The following ZNF474 variants were observed in gnomAD, a reference collection of about 807,000 sequenced individuals.
ZNF474 encodes the protein 4933409D10Rik.
For missense variants in ZNF474, 511 were observed against 433.8 expected, an observed-to-expected ratio of 1.18 and a Z score of -1.58; for synonymous variants, 192 against 162.2, an observed-to-expected ratio of 1.18 and a Z score of -1.39.
chr5:122,149,885 CTGTG>C (rs35051222), intron 1 of ZNF474, among the ~76,000 whole-genome samples: 5,103 of 141,502 alleles, frequency 0.036, 259 homozygotes, highest in African/African-American at 0.12. Flanking sequence ...AGAATTGACT[CTGTG>C]TGTGTGTGTG....
intron 1 of ZNF474, among the ~76,000 whole-genome samples, chr5:122,145,514 C>G (rs1471965900): frequency 6.6e-6 from 1 of 152,134 alleles, no homozygotes; most frequent in Non-Finnish European, 1.5e-5. Flanking sequence ...CTATGGCTTC[C>G]TCTGTGGCAG....
At chr5:122,137,807 G>C (rs1020747492) in intron 1 of ZNF474, among the ~76,000 whole-genome samples, 1 of 152,246 alleles carries the variant, frequency 6.6e-6, no homozygotes, top group Non-Finnish European at 1.5e-5. Flanking sequence ...CCATGGAGCA[G>C]TCAGTCAGCA....
At chr5:122,131,006 C>T (rs1414839415) in intron 1 of ZNF474, among the ~76,000 whole-genome samples, 1 of 152,120 alleles carries the variant, frequency 6.6e-6, no homozygotes, top group African/African-American at 2.4e-5. Flanking sequence ...TTCGTCTCAT[C>T]CTCCACTCAT....
intron 1 of ZNF474, among the ~76,000 whole-genome samples, chr5:122,143,371 A>G (rs1214953831): frequency 6.6e-6 from 1 of 152,202 alleles, no homozygotes; most frequent in Non-Finnish European, 1.5e-5. Flanking sequence ...AATCAAGAGT[A>G]TAAAGACAGT....
At chr5:122,141,164 TA>T (rs1416580749) in intron 1 of ZNF474, among the ~76,000 whole-genome samples, 4,345 of 37,524 alleles carry the variant, frequency 0.12, 502 homozygotes, top group African/African-American at 0.15. Context: ...TATTTTATTT[TA>T]TTTTATTTTT....
At chr5:122,135,548 T>C (rs1755680136) in intron 1 of ZNF474, among the ~76,000 whole-genome samples, 1 of 152,176 alleles carries the variant, frequency 6.6e-6, no homozygotes, top group African/African-American at 2.4e-5. Context: ...TTGGTAGGAA[T>C]GTAAATTAGT....
chr5:122,143,310 C>G (rs995987033), intron 1 of ZNF474, among the ~76,000 whole-genome samples: 2 of 152,174 alleles, frequency 1.3e-5, no homozygotes, highest in African/African-American at 2.4e-5. Flanking sequence ...CTGATACTAA[C>G]ACAGCGTGGC....
In ZNF474 at chr5:122,152,305, G is replaced by C. The variant is rs1184467824; in HGVS notation, c.315G>C (p.Gly105=). 1 of 1,614,092 alleles carries C rather than the reference G, an allele frequency of 6.2e-7. No individual in the cohort carries two copies. Among genetic ancestry groups the C allele is most frequent in the African/African-American group, 1.3e-5 (1 of 74,934 alleles). Residue 105 remains glycine (G), a synonymous_variant, in exon 2 of 2, where the codon GGG becomes GGC. Coordinates refer to ENST00000296600, the MANE Select transcript of ZNF474 (RefSeq NM_207317.3). ...RVCYICGREF[G]SQSIAIHEPQ... ...GCTATATCTGTGGCCGAGAATTTGG[G>C]TCCCAGTCAATTGCCATTCATGAAC... is the stretch of plus-strand genomic sequence containing the variant.
rs1359187214 is a variant in ZNF474, at chr5:122,152,006, A to G, written c.16A>G (p.Lys6Glu). The G allele has an allele frequency of 5.6e-6, 9 of 1,609,420 alleles. No individual in the cohort carries two copies. Among genetic ancestry groups the G allele is most frequent in the Non-Finnish European group, 7.6e-6 (9 of 1,178,962 alleles). MERGK[K>E]KRISNKLQQT... ...ATCTTTGTTAATGGAAAGAGGAAAGAAGAAAAGAATTTCCAATAAGTTACA... is the reference window on the plus strand; with the variant it reads ...ATCTTTGTTAATGGAAAGAGGAAAGGAGAAAAGAATTTCCAATAAGTTACA... Residue 6 changes from lysine to glutamate, a missense_variant, in exon 2 of 2, where the codon AAG becomes GAG. Coordinates refer to ENST00000296600, the MANE Select transcript of ZNF474 (RefSeq NM_207317.3).
At chr5:122,143,415 G>A (rs958963636) in intron 1 of ZNF474, among the ~76,000 whole-genome samples, 2 of 152,136 alleles carry the variant, frequency 1.3e-5, no homozygotes, top group Non-Finnish European at 2.9e-5. Flanking sequence ...CATGATGGGG[G>A]CTGGCAAACA....
intron 1 of ZNF474, among the ~76,000 whole-genome samples, chr5:122,133,358 C>T (rs958586411): frequency 1.3e-5 from 2 of 152,114 alleles, no homozygotes; most frequent in Non-Finnish European, 2.9e-5. Context: ...AAAATCTATA[C>T]CTGGTCAAAT....
chr5:122,151,301 A>G (rs1756162568), intron 1 of ZNF474, among the ~76,000 whole-genome samples: 1 of 152,234 alleles, frequency 6.6e-6, no homozygotes, highest in African/African-American at 2.4e-5. Context: ...TAGGCTTCAC[A>G]GAATTGTCAA....
intron 1 of ZNF474, among the ~76,000 whole-genome samples, chr5:122,148,840 G>T (rs930331748): frequency 1.3e-5 from 2 of 151,678 alleles, no homozygotes; most frequent in Non-Finnish European, 2.9e-5. Context: ...GGATTCAAGC[G>T]ATTCTCCTGT....
At position 122,152,001 on chromosome 5, in the gene ZNF474, G is replaced by A. The variant is rs766986538; in HGVS notation, c.11G>A (p.Gly4Glu). Residue 4 changes from glycine (G) to glutamate (E), a missense_variant, in exon 2 of 2, where the codon GGA (glycine) becomes GAA (glutamate). Physicochemically the swap from Gly to Glu is moderately conservative, Grantham distance 98. Coordinates refer to ENST00000296600, the MANE Select transcript of ZNF474 (RefSeq NM_207317.3). MER[G>E]KKKRISNKLQ... ...AAGACATCTTTGTTAATGGAAAGAG[G>A]AAAGAAGAAAAGAATTTCCAATAAG... The A allele has an allele frequency of 3.2e-5, 51 of 1,608,602 alleles. No homozygotes were observed. In the South Asian group the frequency reaches 4.7e-4, roughly 15 times the overall value.
chr5:122,131,658 A>G (rs1755581117), intron 1 of ZNF474, among the ~76,000 whole-genome samples: 1 of 152,036 alleles, frequency 6.6e-6, no homozygotes, highest in East Asian at 1.9e-4. Context: ...CTGGATTCGG[A>G]CCCAGGAGTG....
At chr5:122,142,872 CA>C (rs1455159449) in intron 1 of ZNF474, among the ~76,000 whole-genome samples, 1 of 152,158 alleles carries the variant, frequency 6.6e-6, no homozygotes, top group Non-Finnish European at 1.5e-5. Flanking sequence ...GAGTCACTGC[CA>C]GGAACGTCAT....
At chr5:122,139,441 G>T (rs1233452604) in intron 1 of ZNF474, among the ~76,000 whole-genome samples, 1 of 152,010 alleles carries the variant, frequency 6.6e-6, no homozygotes, top group African/African-American at 2.4e-5. Flanking sequence ...TTTTATAACT[G>T]GAATTTTGCA....
intron 1 of ZNF474, among the ~76,000 whole-genome samples, chr5:122,142,462 C>G (rs1375559835): frequency 2.0e-5 from 3 of 152,106 alleles, no homozygotes; most frequent in Non-Finnish European, 4.4e-5. Flanking sequence ...AAATGTTGAA[C>G]CACAAAAAAA....
chr5:122,152,918 C>T lies in ZNF474; in HGVS notation c.928C>T (p.Pro310Ser), dbSNP rs1359934996. The T allele has an allele frequency of 9.0e-5, 145 of 1,611,864 alleles. No individual in the cohort carries two copies. The highest frequency in any genetic ancestry group is 1.2e-4 in the Non-Finnish European group (143 of 1,179,994). The change falls in exon 2 of 2, where the codon CCT becomes TCT. Residue 310 changes from proline (P) to serine (S), a missense_variant. Physicochemically the swap from Pro to Ser is moderately conservative, Grantham distance 74. Transcript: ENST00000296600. ...LVHQRSCKTH[P>S]YGPKYQNLNL... The stretch of plus-strand genomic sequence containing the variant: ...ACACCAGAGAAGTTGTAAAACTCAT[C>T]CTTATGGGCCAAAATATCAGAATTT...
Sources: gnomAD v4.1 joint callset for allele counts (sites outside exome capture counted in the v4.1 genomes callset) on GRCh38, gnomAD v4.1.1 for gene constraint, MANE v1.5 for transcripts, NCBI Gene and HGNC (gene_info 2026-07-23, HGNC 2026-07-21) for gene names.